PRMT3: variants seen among roughly 807,000 people sequenced by gnomAD.
PRMT3 encodes the protein protein arginine methyltransferase 3.
A neutral mutation model predicts 71.9 loss-of-function variants in PRMT3; 62 were observed. The ratio of observed to expected loss-of-function variants is 0.86; its 90% CI spans 0.70 to 1.07. PRMT3 has a LOEUF of 1.07. Ranked by LOEUF, PRMT3 falls within the 50% of genes least tolerant of loss-of-function variation. The probability of loss-of-function intolerance (pLI) is 0.00; values close to 1 mark genes in which losing one functional copy is unlikely to be tolerated. For missense variants in PRMT3, 663 were observed against 643.0 expected (o/e 1.03, Z -0.34); for synonymous variants, 213 against 220.4 (o/e 0.97, Z 0.30).
chr11:20,478,052 C>T (rs1467058375), intron 13 of PRMT3, among the ~76,000 whole-genome samples: 1 of 152,170 alleles, frequency 6.6e-6, no homozygotes, highest in East Asian at 1.9e-4. Context: ...GGGCAAACGC[C>T]CTCAGGTATG....
At chr11:20,391,680 A>G (rs979555041) in intron 3 of PRMT3, among the ~76,000 whole-genome samples, 3 of 151,858 alleles carry the variant, frequency 2.0e-5, no homozygotes, top group African/African-American at 7.3e-5. Flanking sequence ...TTTATGACAA[A>G]TAATTGGTTG....
intron 3 of PRMT3, among the ~76,000 whole-genome samples, 166 bp from the exon 4 acceptor site, chr11:20,392,045 G>C (rs1848726538): frequency 6.6e-6 from 1 of 152,112 alleles, no homozygotes; most frequent in South Asian, 2.1e-4. Context: ...ATATTCAGAA[G>C]TATCATTGTA....
rs1320684340 is a variant in PRMT3 at position 20,466,046 on chromosome 11, G to A, written c.1347+1500G>A. ...TGCCTATCACATGAATCAAAATAGA[G>A]CAGATGTAAAACTCTACTGAAGATG... On this transcript the variant is annotated intron_variant, in intron 13 of 15. Coordinates refer to ENST00000331079, the MANE Select transcript of PRMT3 (RefSeq NM_005788.4). 3.3e-5 allele frequency among the ~76,000 whole-genome samples: 5 copies of A among 152,108 alleles called. No individual in the cohort carries two copies. The East Asian group carries it at 7.7e-4, about 23-fold the overall frequency.
chr11:20,422,340 TCTAA>T (rs763265052), intron 9 of PRMT3, among the ~76,000 whole-genome samples: 2 of 152,194 alleles, frequency 1.3e-5, no homozygotes, highest in Non-Finnish European at 2.9e-5. Context: ...AAACTTGTCC[TCTAA>T]CTGTCTGCAT....
intron 8 of PRMT3, chr11:20,406,671 A>G (rs1246292907): frequency 1.3e-5 from 2 of 152,238 alleles, no homozygotes; most frequent in Non-Finnish European, 2.9e-5. Flanking sequence ...CCCAGAAATG[A>G]AATTGCTGAG....
intron 10 of PRMT3, among the ~76,000 whole-genome samples, chr11:20,444,358 G>A (rs1849977480): frequency 6.6e-6 from 1 of 152,130 alleles, no homozygotes. Flanking sequence ...GGATAAAGCA[G>A]TGAACCTCAT....
intron 15 of PRMT3, among the ~76,000 whole-genome samples, chr11:20,495,461 A>T (rs1456510401): frequency 6.6e-6 from 1 of 152,102 alleles, no homozygotes; most frequent in East Asian, 1.9e-4. Flanking sequence ...GCAGGGAGCT[A>T]TGATGATACC....
chr11:20,424,868 C>G (rs533833796), intron 9 of PRMT3, among the ~76,000 whole-genome samples: 3 of 152,126 alleles, frequency 2.0e-5, no homozygotes, highest in South Asian at 2.1e-4. Flanking sequence ...TGCCTGTAAT[C>G]CCAGCACTTT....
chr11:20,479,291 A>C (rs750481730), intron 13 of PRMT3, among the ~76,000 whole-genome samples: 1 of 152,174 alleles, frequency 6.6e-6, no homozygotes, highest in Non-Finnish European at 1.5e-5. Context: ...TTTGAGTAGT[A>C]GCATATGCTA....
intron 15 of PRMT3, among the ~76,000 whole-genome samples, chr11:20,505,289 G>A (rs182096125): frequency 1.1e-4 from 17 of 152,130 alleles, no homozygotes; most frequent in Middle Eastern, 3.4e-3. Flanking sequence ...TCCTGACTAG[G>A]ACATCTAATA....
At chr11:20,497,964 G>C (rs1851370822) in intron 15 of PRMT3, among the ~76,000 whole-genome samples, 1 of 152,238 alleles carries the variant, frequency 6.6e-6, no homozygotes, top group East Asian at 1.9e-4. Flanking sequence ...GATGAAATTA[G>C]CAGACAAGCA....
Position 20,508,442 on chromosome 11 carries a change from G to T in PRMT3, c.*29G>T, listed in dbSNP as rs1402513765. ...AGCCATAAAAGCACACTACCTTGTA[G>T]TTTTTAATGTGGGGGTAGAGTGGGT... is the stretch of plus-strand genomic sequence containing the variant. On this transcript the variant is annotated 3_prime_UTR_variant, in exon 16 of 16. Coordinates refer to ENST00000331079, the MANE Select transcript of PRMT3 (RefSeq NM_005788.4). 6.7e-7 allele frequency: 1 copy of T among 1,491,760 alleles called. No homozygotes were observed. The highest frequency in any genetic ancestry group is 9.4e-7 in the Non-Finnish European group (1 of 1,068,810). 92.4% of individuals were successfully genotyped at this position (1,491,760 alleles called of 1,614,324 possible).
intron 13 of PRMT3, among the ~76,000 whole-genome samples, chr11:20,492,724 T>C (rs903097535): frequency 7.9e-5 from 12 of 152,202 alleles, no homozygotes; most frequent in African/African-American, 2.4e-4. Context: ...ACCAAAAAAC[T>C]CAAAATTATG....
At chr11:20,456,618 G>A (rs1037922924) in intron 11 of PRMT3, among the ~76,000 whole-genome samples, 1 of 152,064 alleles carries the variant, frequency 6.6e-6, no homozygotes, top group East Asian at 1.9e-4. Context: ...TCTTGGTCAG[G>A]TAAGGAAAAT....
chr11:20,470,169 G>A (rs1417308195), intron 13 of PRMT3, among the ~76,000 whole-genome samples: 2 of 152,108 alleles, frequency 1.3e-5, no homozygotes, highest in African/African-American at 2.4e-5. Flanking sequence ...TACAACTATA[G>A]GCAATGACAA....
At chr11:20,392,872 A>C (rs769515810) in intron 4 of PRMT3, 25 bp from the exon 5 acceptor site, 1 of 1,415,758 alleles carries the variant, frequency 7.1e-7, no homozygotes, top group Non-Finnish European at 9.9e-7. Flanking sequence ...TAATGAAAAA[A>C]ACATGAGATT....
Position 20,431,568 on chromosome 11 carries a change from A to G in PRMT3, c.993+4703A>G, listed in dbSNP as rs145181027. 2.5e-3 allele frequency among the ~76,000 whole-genome samples: 378 copies of G among 152,310 alleles called. 1 individual carries two copies. The highest frequency in any genetic ancestry group is 4.5e-3 in the Non-Finnish European group (305 of 67,988). ...TAATCATATACATGAAATAAAGAATATTAATTCTTGGAGGAAGAACATTCT... is the reference window on the plus strand; with the variant it reads ...TAATCATATACATGAAATAAAGAATGTTAATTCTTGGAGGAAGAACATTCT... On this transcript the variant is annotated intron_variant, in intron 10 of 15. Transcript: ENST00000331079.
At chr11:20,474,761 C>G (rs1277357777) in intron 13 of PRMT3, among the ~76,000 whole-genome samples, 2 of 152,212 alleles carry the variant, frequency 1.3e-5, no homozygotes, top group East Asian at 1.9e-4. Context: ...ACAAAAAGTT[C>G]TCTCAGCGAG....
At chr11:20,473,682 C>T (rs1590090779) in intron 13 of PRMT3, among the ~76,000 whole-genome samples, 1 of 152,090 alleles carries the variant, frequency 6.6e-6, no homozygotes, top group Admixed American at 6.5e-5. Flanking sequence ...TGGGTTGCAA[C>T]GTGCTCCTTT....
Sources: allele counts gnomAD v4.1 joint callset (sites outside exome capture counted in the v4.1 genomes callset), GRCh38; gene constraint gnomAD v4.1.1; transcripts MANE v1.5; gene names NCBI Gene and HGNC (gene_info 2026-07-23, HGNC 2026-07-21).